Variants in SPINT2 observed in about 807,000 individuals in gnomAD.
SPINT2 encodes kunitz-type protease inhibitor 2.
Under a neutral mutation model 30.1 loss-of-function variants are expected in SPINT2, and 18 were observed. That is an observed-to-expected ratio of 0.60 (90% CI 0.41 to 0.89). SPINT2 has a LOEUF of 0.89. SPINT2 is among the 40% of genes least tolerant of loss of function. The pLI, the probability that SPINT2 is intolerant of heterozygous loss-of-function variation, is 0.00. For missense variants in SPINT2, 276 were observed against 334.3 expected (o/e 0.83, Z 1.36); for synonymous variants, 139 against 137.9 (o/e 1.01, Z -0.05).
intron 1 of SPINT2, 123 bp downstream of exon 1, chr19:38,265,121 G>A (rs1244683160): frequency 8.4e-6 from 7 of 835,988 alleles, no homozygotes; most frequent in Admixed American, 7.9e-5. Flanking sequence ...GGCGTTCAGC[G>A]GGTGTGGTGG....
At chr19:38,286,596 C>A (rs1379801556) in intron 2 of SPINT2, among the ~76,000 whole-genome samples, 2 of 152,014 alleles carry the variant, frequency 1.3e-5, no homozygotes, top group Non-Finnish European at 2.9e-5. Flanking sequence ...CTGGCTAACA[C>A]GGTGAAACTC....
chr19:38,292,185 GCTC>G lies in SPINT2; in HGVS notation c.*186_*188del. The G allele has an allele frequency of 5.1e-6, 4 of 787,264 alleles. No homozygotes were observed. Among genetic ancestry groups the G allele is most frequent in the East Asian group, 5.5e-5 (2 of 36,110 alleles). 48.8% of individuals were successfully genotyped at this position (787,264 alleles called of 1,614,324 possible). On this transcript the variant is annotated 3_prime_UTR_variant, in exon 7 of 7. Coordinates refer to ENST00000301244, the MANE Select transcript of SPINT2 (RefSeq NM_021102.4). ...GTTTGCTTTGGAAATCCTCTAGGAG[GCTC>G]CTCCTCGCATGGCCTGCAGTCTGGC... is the stretch of plus-strand genomic sequence containing the variant.
In SPINT2 at chr19:38,283,823, T is replaced by C; in HGVS notation, c.277+26T>C. 1.9e-6 allele frequency: 3 copies of C among 1,584,344 alleles called. No individual in the cohort carries two copies. The East Asian group carries it at 6.8e-5, about 36-fold the overall frequency. On this transcript the variant is annotated intron_variant, in intron 2 of 6. Coordinates refer to ENST00000301244, the MANE Select transcript of SPINT2 (RefSeq NM_021102.4). ...GTGAGATGGCAGTAGTTGGAGCTTT[T>C]GTTTTTTTCCTTTTTTTTTTTTTTT...
chr19:38,289,955 C>T (rs1444813651), intron 4 of SPINT2, 164 bp from the exon 5 acceptor site: 14 of 764,458 alleles, frequency 1.8e-5, no homozygotes, highest in Admixed American at 4.2e-5. Flanking sequence ...AGGAGCAGCG[C>T]GTCAGAGCCG....
At chr19:38,286,198 C>T (rs1968638938) in intron 2 of SPINT2, among the ~76,000 whole-genome samples, 1 of 152,162 alleles carries the variant, frequency 6.6e-6, no homozygotes, top group Admixed American at 6.5e-5. Context: ...CAGGCAGGCT[C>T]TGTGGGAAGG....
intron 1 of SPINT2, among the ~76,000 whole-genome samples, chr19:38,281,656 C>T (rs914948737): frequency 1.3e-5 from 2 of 151,756 alleles, no homozygotes; most frequent in Non-Finnish European, 2.9e-5. Context: ...TTGCAGTTAG[C>T]GGAGATCACG....
At chr19:38,291,576 A>G in intron 6 of SPINT2, 1 of 479,280 alleles carries the variant, frequency 2.1e-6, no homozygotes, top group African/African-American at 1.9e-5. Flanking sequence ...AAAAGAAGGA[A>G]CACAGATGAC....
intron 4 of SPINT2, chr19:38,289,700 C>T (rs890295261): frequency 3.1e-5 from 9 of 289,800 alleles, no homozygotes; most frequent in African/African-American, 1.3e-4. Flanking sequence ...AAGGAGGCTG[C>T]GCCTGTGGAG....
chr19:38,282,882 T>C (rs3826896), intron 1 of SPINT2, among the ~76,000 whole-genome samples: 60,279 of 152,136 alleles, frequency 0.4, 12,707 homozygotes, highest in East Asian at 0.64. Flanking sequence ...CTACCGAGGG[T>C]GCTGATAGCG....
At chr19:38,279,678 G>A (rs920132169) in intron 1 of SPINT2, among the ~76,000 whole-genome samples, 17 of 152,182 alleles carry the variant, frequency 1.1e-4, no homozygotes, top group Admixed American at 3.3e-4. Context: ...GTTTGAGACT[G>A]AGCGTTGCTC....
chr19:38,274,168 G>C (rs905343651), intron 1 of SPINT2, among the ~76,000 whole-genome samples: 4 of 151,870 alleles, frequency 2.6e-5, no homozygotes, highest in Admixed American at 1.3e-4. Context: ...CAAGGCTACT[G>C]TGAGCCAAGA....
intron 2 of SPINT2, 137 bp downstream of exon 2, chr19:38,283,934 C>G (rs1329865680): frequency 2.9e-6 from 3 of 1,023,034 alleles, no homozygotes; most frequent in Non-Finnish European, 4.2e-6. Flanking sequence ...CTCCGCCTCC[C>G]GGGTTCACGC....
chr19:38,272,090 A>G (rs1413442330), intron 1 of SPINT2, among the ~76,000 whole-genome samples: 2 of 151,824 alleles, frequency 1.3e-5, no homozygotes, highest in African/African-American at 2.4e-5. Flanking sequence ...AGTCCCAGCT[A>G]TGTGGGAGGC....
At chr19:38,271,335 C>A (rs1568338763) in intron 1 of SPINT2, among the ~76,000 whole-genome samples, 3 of 151,046 alleles carry the variant, frequency 2.0e-5, no homozygotes, top group Admixed American at 2.0e-4. Context: ...ACTAAAAATA[C>A]AAAAAAATTA....
At chr19:38,270,129 G>A (rs966729626) in intron 1 of SPINT2, among the ~76,000 whole-genome samples, 3 of 152,202 alleles carry the variant, frequency 2.0e-5, no homozygotes, top group South Asian at 4.1e-4. Context: ...AGACTCCACA[G>A]ACGTGTTATT....
intron 2 of SPINT2, among the ~76,000 whole-genome samples, chr19:38,287,086 T>C (rs34565749): frequency 0.4 from 60,462 of 151,828 alleles, 12,762 homozygotes; most frequent in East Asian, 0.64. Context: ...GTCAATGGTG[T>C]GATCTCGGCT....
chr19:38,291,822 C>G lies in SPINT2; in HGVS notation c.593-18C>G, dbSNP rs752546537. On this transcript the variant is annotated intron_variant, in intron 6 of 6. Coordinates refer to ENST00000301244, the MANE Select transcript of SPINT2 (RefSeq NM_021102.4). The stretch of plus-strand genomic sequence containing the variant: ...TCCCCTTGCCTGGCCCGTCCTGAGG[C>G]CCCTCTCTCGTCCTCAGTGGTGGTT... The G allele has an allele frequency of 3.7e-6, 6 of 1,611,348 alleles. No homozygotes were observed. The highest frequency in any genetic ancestry group is 5.1e-6 in the Non-Finnish European group (6 of 1,179,618).
chr19:38,281,555 C>A (rs996372776), intron 1 of SPINT2, among the ~76,000 whole-genome samples: 1 of 151,890 alleles, frequency 6.6e-6, no homozygotes, highest in African/African-American at 2.4e-5. Context: ...ACTAAAAATA[C>A]AAAATTAGCC....
chr19:38,291,662 G>T, intron 6 of SPINT2, 178 bp from the exon 7 acceptor site: 1 of 728,324 alleles, frequency 1.4e-6, no homozygotes. Flanking sequence ...ACTCTCCTTG[G>T]TGGCATCTCT....
Sources: gnomAD v4.1 joint callset for allele counts (sites outside exome capture counted in the v4.1 genomes callset) on GRCh38, gnomAD v4.1.1 for gene constraint, MANE v1.5 for transcripts, NCBI Gene and HGNC (gene_info 2026-07-23, HGNC 2026-07-21) for gene names.